The following ASPH variants were observed in gnomAD, a reference collection of about 807,000 sequenced individuals.
The protein encoded by ASPH is aspartyl/asparaginyl beta-hydroxylase.
ASPH carries 100 observed loss-of-function variants against 118.4 expected under a neutral mutation model. The observed-to-expected ratio is 0.84, with a 90% CI of 0.72 to 1.00. ASPH has a LOEUF of 1.00. Among genes scored for constraint, ASPH ranks in the 50% least tolerant of loss-of-function variants. The pLI, the probability that ASPH is intolerant of heterozygous loss-of-function variation, is 0.00. For missense variants in ASPH, 920 were observed against 919.5 expected, an observed-to-expected ratio of 1.00 and a Z score of -0.01; for synonymous variants, 315 against 325.6, an observed-to-expected ratio of 0.97 and a Z score of 0.35.
At chr8:61,711,926 A>G (rs565092289) in intron 1 of ASPH, among the ~76,000 whole-genome samples, 1 of 152,348 alleles carries the variant, frequency 6.6e-6, no homozygotes, top group South Asian at 2.1e-4. Flanking sequence ...GTTTTCTCCA[A>G]TAATTAAATG....
intron 5 of ASPH, among the ~76,000 whole-genome samples, chr8:61,648,100 C>T (rs1808981141): frequency 6.6e-6 from 1 of 152,200 alleles, no homozygotes; most frequent in Admixed American, 6.5e-5. Context: ...GGGCAAATTA[C>T]TTAACTACCC....
At chr8:61,635,159 A>G (rs766803244) in intron 12 of ASPH, among the ~76,000 whole-genome samples, 1 of 152,146 alleles carries the variant, frequency 6.6e-6, no homozygotes, top group Non-Finnish European at 1.5e-5. Flanking sequence ...TGCAACTGAT[A>G]ACTTCTCAGT....
rs556433012 is a variant in ASPH at position 61,585,790 on chromosome 8, T to C, written c.977-1761A>G. On this transcript the variant is annotated intron_variant, in intron 14 of 24. Coordinates refer to ENST00000379454, the MANE Select transcript of ASPH (RefSeq NM_004318.4). ...GTCTGCCAGAGGAGGGAAGGCTGTG[T>C]GGTTAAGCATCGATGGCAGGGGTCT... 4.6e-5 allele frequency among the ~76,000 whole-genome samples: 7 copies of C among 152,236 alleles called. No individual in the cohort carries two copies. The South Asian group carries it at 1.2e-3, about 27-fold the overall frequency.
At chr8:61,687,768 G>C (rs951120738) in intron 1 of ASPH, 1 of 152,146 alleles carries the variant, frequency 6.6e-6, no homozygotes, top group African/African-American at 2.4e-5. Flanking sequence ...GTAGTTTGTA[G>C]TAAAGAGATT....
intron 20 of ASPH, 135 bp from the exon 21 acceptor site, chr8:61,548,343 A>T (rs1563776392): frequency 2.0e-6 from 2 of 999,522 alleles, no homozygotes; most frequent in Admixed American, 3.3e-5. Flanking sequence ...AGGTACTCAA[A>T]TCTGTTGAAA....
At chr8:61,535,203 C>T (rs1015538420) in intron 21 of ASPH, among the ~76,000 whole-genome samples, 1 of 152,116 alleles carries the variant, frequency 6.6e-6, no homozygotes, top group Non-Finnish European at 1.5e-5. Context: ...TTGTGGGAAG[C>T]AACAGTTCAG....
chr8:61,561,783 C>T (rs1830046398), intron 18 of ASPH, among the ~76,000 whole-genome samples: 1 of 152,136 alleles, frequency 6.6e-6, no homozygotes, highest in African/African-American at 2.4e-5. Flanking sequence ...TAAAATTTAG[C>T]TGGGCATGGT....
At position 61,503,415 on chromosome 8, in the gene ASPH, C is replaced by A; in HGVS notation, c.2221G>T (p.Asp741Tyr). 6.2e-7 allele frequency: 1 copy of A among 1,613,126 alleles called. No homozygotes were observed. The highest frequency in any genetic ancestry group is 8.5e-7 in the Non-Finnish European group (1 of 1,179,686). The change falls in exon 25 of 25, where the codon GAT becomes TAT. Residue 741 changes from aspartate (D) to tyrosine (Y), a missense_variant. Transcript: ENST00000379454. Reference protein sequence around the residue: ...ASSFRLIFIVDVWHPELTPQQ... With the variant: ...ASSFRLIFIVYVWHPELTPQQ... ...GGTGTCAGTTCCGGATGCCACACAT[C>A]CACGATGAATATCAGCCGGAAAGAT... is the stretch of plus-strand genomic sequence containing the variant.
intron 22 of ASPH, among the ~76,000 whole-genome samples, chr8:61,519,079 A>G (rs1246375162): frequency 1.3e-5 from 2 of 152,226 alleles, no homozygotes; most frequent in South Asian, 2.1e-4. Flanking sequence ...TTATTACAGT[A>G]GTATAATCTG....
intron 16 of ASPH, among the ~76,000 whole-genome samples, chr8:61,567,542 T>G (rs558847675): frequency 1.1e-3 from 161 of 152,320 alleles, no homozygotes; most frequent in African/African-American, 3.5e-3. Flanking sequence ...CAAGAAAGAA[T>G]GTCATAAATG....
intron 16 of ASPH, among the ~76,000 whole-genome samples, chr8:61,575,513 G>A (rs572563296): frequency 3.3e-5 from 5 of 152,220 alleles, no homozygotes; most frequent in African/African-American, 1.2e-4. Flanking sequence ...TGGAAACTCT[G>A]TAAGTGCTAG....
At chr8:61,584,096 T>G in intron 14 of ASPH, 67 bp from the exon 15 acceptor site, 1 of 1,043,600 alleles carries the variant, frequency 9.6e-7, no homozygotes, top group Non-Finnish European at 1.4e-6. Context: ...AGCATAACAA[T>G]TTACAAGTAG....
intron 24 of ASPH, among the ~76,000 whole-genome samples, chr8:61,505,961 G>A (rs1366226037): frequency 2.6e-5 from 4 of 152,102 alleles, no homozygotes; most frequent in Non-Finnish European, 5.9e-5. Flanking sequence ...TACCACAAAC[G>A]AGCCTATAAT....
intron 18 of ASPH, among the ~76,000 whole-genome samples, chr8:61,556,848 A>C (rs1334569059): frequency 6.6e-6 from 1 of 151,840 alleles, no homozygotes; most frequent in Non-Finnish European, 1.5e-5. Context: ...CTTGAGACTG[A>C]GTAGAAAAAG....
rs1264479547 is a variant in ASPH, at chr8:61,714,491, C to T, written c.-120G>A. On this transcript the variant is annotated 5_prime_UTR_variant, in exon 1 of 25. Transcript: ENST00000379454. ...CTGGAGCGGGTTCGGGCCGCTGCTC[C>T]TGCAGCAGACCCTGTGCCTCAGCAC... The T allele has an allele frequency of 4.5e-6, 6 of 1,321,016 alleles. No individual in the cohort carries two copies. The highest frequency in any genetic ancestry group is 4.9e-6 in the Non-Finnish European group (5 of 1,026,304). 81.8% of individuals were successfully genotyped at this position (1,321,016 alleles called of 1,614,324 possible). A position where few individuals can be genotyped will look rare whatever the true frequency, so the allele number is the denominator to read the frequency against.
intron 3 of ASPH, among the ~76,000 whole-genome samples, chr8:61,654,029 C>A (rs17793991): frequency 0.36 from 55,379 of 152,028 alleles, 12,091 homozygotes; most frequent in Non-Finnish European, 0.49. Flanking sequence ...AATGAGGCAA[C>A]TAAAATGCAC....
intron 19 of ASPH, among the ~76,000 whole-genome samples, chr8:61,553,601 ATTT>A (rs35343441): frequency 7.6e-6 from 1 of 131,074 alleles, no homozygotes; most frequent in Admixed American, 7.2e-5. Context: ...CCTTTTAATG[ATTT>A]TTTTTTTTTT....
chr8:61,614,762 T>C (rs1392949516), intron 14 of ASPH, among the ~76,000 whole-genome samples: 1 of 152,128 alleles, frequency 6.6e-6, no homozygotes, highest in Non-Finnish European at 1.5e-5. Flanking sequence ...AGTGCTGAGA[T>C]TATAGGCATT....
chr8:61,675,789 C>T, intron 3 of ASPH: 11 of 1,195,240 alleles, frequency 9.2e-6, no homozygotes, highest in Non-Finnish European at 1.1e-5. Flanking sequence ...TGAGTTGAAA[C>T]AAAACGATAC....
Sources: allele counts gnomAD v4.1 joint callset (sites outside exome capture counted in the v4.1 genomes callset), GRCh38; gene constraint gnomAD v4.1.1; transcripts MANE v1.5; gene names NCBI Gene and HGNC (gene_info 2026-07-23, HGNC 2026-07-21).